STRN: variants seen among roughly 807,000 people sequenced by gnomAD.
The protein encoded by STRN is striatin, also known as protein phosphatase 2 regulatory subunit B'''alpha.
A neutral mutation model predicts 96.3 loss-of-function variants in STRN; 53 were observed. The ratio of observed to expected loss-of-function variants is 0.55; its 90% CI spans 0.44 to 0.69. The LOEUF (loss-of-function observed/expected upper bound fraction) is 0.69, where lower values mean the gene tolerates loss of function less well. Ranked by LOEUF, STRN falls within the 30% of genes least tolerant of loss-of-function variation. The probability of loss-of-function intolerance (pLI) is 0.00; values close to 1 mark genes in which losing one functional copy is unlikely to be tolerated. For synonymous variants in STRN, 428 were observed against 355.9 expected (o/e 1.20, Z -2.28); for missense variants, 987 against 963.9 (o/e 1.02, Z -0.32).
At chr2:36,940,526 C>G (rs4436936) in intron 1 of STRN, among the ~76,000 whole-genome samples, 3 of 151,926 alleles carry the variant, frequency 2.0e-5, no homozygotes, top group Admixed American at 2.0e-4. Flanking sequence ...ACATTTTTGT[C>G]TTAAAAAAAG....
intron 1 of STRN, among the ~76,000 whole-genome samples, chr2:36,930,141 T>C (rs1488126745): frequency 6.6e-6 from 1 of 152,076 alleles, no homozygotes; most frequent in East Asian, 1.9e-4. Context: ...AAAGACAGTG[T>C]CATTATCAGG....
intron 1 of STRN, among the ~76,000 whole-genome samples, chr2:36,953,982 G>T (rs1558668308): frequency 6.6e-6 from 1 of 151,832 alleles, no homozygotes; most frequent in Non-Finnish European, 1.5e-5. Context: ...ACTCCAGCCT[G>T]GGCAGAATAG....
intron 1 of STRN, among the ~76,000 whole-genome samples, chr2:36,954,403 T>C (rs757983274): frequency 6.6e-6 from 1 of 151,172 alleles, no homozygotes; most frequent in African/African-American, 2.4e-5. Context: ...TCCCAACTAC[T>C]TGGGAGGCTG....
chr2:36,850,589 T>C (rs559665664), intron 16 of STRN, among the ~76,000 whole-genome samples: 3 of 152,330 alleles, frequency 2.0e-5, no homozygotes, highest in Non-Finnish European at 2.9e-5. Flanking sequence ...TATTGAATAA[T>C]GCTATTCAAT....
At chr2:36,964,706 C>CTAAAA (rs1665116527) in intron 1 of STRN, among the ~76,000 whole-genome samples, 1 of 152,226 alleles carries the variant, frequency 6.6e-6, no homozygotes, top group South Asian at 2.1e-4. Context: ...ACTACCCCAT[C>CTAAAA]TAAAATAGCT....
intron 1 of STRN, among the ~76,000 whole-genome samples, chr2:36,947,759 T>G (rs1664620852): frequency 6.6e-6 from 1 of 151,784 alleles, no homozygotes; most frequent in African/African-American, 2.4e-5. Flanking sequence ...CTCAGTTCCC[T>G]CAACTACAAA....
At chr2:36,872,299 A>G (rs1279095158) in intron 10 of STRN, among the ~76,000 whole-genome samples, 1 of 152,208 alleles carries the variant, frequency 6.6e-6, no homozygotes, top group Non-Finnish European at 1.5e-5. Context: ...GCCCATGGAG[A>G]GACCTATGTG....
intron 1 of STRN, among the ~76,000 whole-genome samples, chr2:36,932,798 TACAA>T (rs1438421567): frequency 6.6e-6 from 1 of 152,154 alleles, no homozygotes; most frequent in Non-Finnish European, 1.5e-5. Context: ...AATGTAAGAT[TACAA>T]ACATAGATTT....
chr2:36,880,782 T>C (rs1227761259), intron 9 of STRN, among the ~76,000 whole-genome samples: 1 of 152,196 alleles, frequency 6.6e-6, no homozygotes, highest in Admixed American at 6.5e-5. Flanking sequence ...CCAGATAACT[T>C]TGTTCAGGTG....
intron 15 of STRN, among the ~76,000 whole-genome samples, chr2:36,852,863 A>T (rs187705339): frequency 7.2e-5 from 11 of 152,272 alleles, no homozygotes; most frequent in Admixed American, 7.2e-4. Flanking sequence ...CTGTTATTTA[A>T]ATATAAAATG....
chr2:36,906,903 G>T (rs1328593128), intron 3 of STRN, among the ~76,000 whole-genome samples: 3 of 150,256 alleles, frequency 2.0e-5, no homozygotes, highest in Non-Finnish European at 4.4e-5. Context: ...CAGCGTGGGC[G>T]ACAGAGCAAG....
At chr2:36,917,060 A>AAT (rs1670121219) in intron 2 of STRN, among the ~76,000 whole-genome samples, 3 of 149,840 alleles carry the variant, frequency 2.0e-5, no homozygotes, top group African/African-American at 7.5e-5. Flanking sequence ...AATAAAAAAT[A>AAT]AAAATAAATA....
rs1285200797 is a variant in STRN, at chr2:36,878,093, T to C, written c.1187-66A>G. 3.8e-6 allele frequency: 6 copies of C among 1,572,246 alleles called. No homozygotes were observed. The South Asian group carries it at 6.9e-5, about 18-fold the overall frequency. On this transcript the variant is annotated intron_variant, in intron 9 of 17. Coordinates refer to ENST00000263918, the MANE Select transcript of STRN (RefSeq NM_003162.4). ...GGAGCCAACATTTAGTCTCATTTGC[T>C]TGCATCAAATTTCTTATAAGTGCAC... is the stretch of plus-strand genomic sequence containing the variant.
intron 3 of STRN, among the ~76,000 whole-genome samples, chr2:36,915,295 T>C (rs1670067670): frequency 7.1e-6 from 1 of 140,494 alleles, no homozygotes; most frequent in Non-Finnish European, 1.5e-5. Context: ...ACAAGGTACG[T>C]ATTTCAGTAA....
At chr2:36,920,665 G>C (rs1321222216) in intron 2 of STRN, among the ~76,000 whole-genome samples, 2 of 147,966 alleles carry the variant, frequency 1.4e-5, no homozygotes, top group Admixed American at 6.7e-5. Flanking sequence ...AGACACAAAA[G>C]CAGGAACTCT....
intron 1 of STRN, among the ~76,000 whole-genome samples, chr2:36,926,702 A>G (rs1670419685): frequency 6.6e-6 from 1 of 152,164 alleles, no homozygotes; most frequent in Non-Finnish European, 1.5e-5. Flanking sequence ...GTGCTCTTAA[A>G]TTTTACATTA....
rs561442323 is a variant in STRN at position 36,919,925 on chromosome 2, C to T, written c.339-3774G>A. On this transcript the variant is annotated intron_variant, in intron 2 of 17. Coordinates refer to ENST00000263918, the MANE Select transcript of STRN (RefSeq NM_003162.4). ...AAATTTTATCACACATTAAGGAATGCTTTGATAAATCCACTGCTAGGTAAG... is the reference window on the plus strand; with the variant it reads ...AAATTTTATCACACATTAAGGAATGTTTTGATAAATCCACTGCTAGGTAAG... 2.6e-5 allele frequency among the ~76,000 whole-genome samples: 4 copies of T among 152,264 alleles called. No homozygotes were observed. The South Asian group carries it at 6.2e-4, about 24-fold the overall frequency.
chr2:36,941,927 C>A (rs901904395), intron 1 of STRN, among the ~76,000 whole-genome samples: 1 of 152,080 alleles, frequency 6.6e-6, no homozygotes, highest in Admixed American at 6.6e-5. Context: ...CTTACTTAAC[C>A]ATTGTGGTAG....
chr2:36,851,148 G>A (rs1668211267), intron 15 of STRN, 41 bp from the exon 16 acceptor site: 2 of 1,518,298 alleles, frequency 1.3e-6, no homozygotes, highest in African/African-American at 2.8e-5. Flanking sequence ...CTTAGTCAAA[G>A]ATATTTTTCA....
Sources: gnomAD v4.1 joint callset for allele counts (sites outside exome capture counted in the v4.1 genomes callset) on GRCh38, gnomAD v4.1.1 for gene constraint, MANE v1.5 for transcripts, NCBI Gene and HGNC (gene_info 2026-07-23, HGNC 2026-07-21) for gene names.